The following GSAP variants were observed in gnomAD, a reference collection of about 807,000 sequenced individuals.
The protein encoded by GSAP is gamma-secretase activating protein.
Under a neutral mutation model 131.7 loss-of-function variants are expected in GSAP, and 118 were observed. The observed-to-expected ratio is 0.90, with a 90% CI of 0.77 to 1.04. The LOEUF (loss-of-function observed/expected upper bound fraction) is 1.04, where lower values mean the gene tolerates loss of function less well. GSAP is among the 50% of genes least tolerant of loss of function. The pLI is 0.00. For missense variants in GSAP, 1,019 were observed against 1,013.2 expected (o/e 1.01, Z -0.08); for synonymous variants, 381 against 363.4 (o/e 1.05, Z -0.55).
chr7:77,362,861 G>A (rs1794744408), intron 12 of GSAP, among the ~76,000 whole-genome samples: 1 of 152,134 alleles, frequency 6.6e-6, no homozygotes, highest in Non-Finnish European at 1.5e-5. Context: ...ACACTATATA[G>A]CAACATATTG....
intron 12 of GSAP, among the ~76,000 whole-genome samples, chr7:77,372,243 A>G (rs1395988984): frequency 3.3e-5 from 5 of 152,274 alleles, no homozygotes; most frequent in Non-Finnish European, 7.3e-5. Flanking sequence ...CAATATGTCA[A>G]TGAAAAGAAA....
Position 77,377,276 on chromosome 7 carries a change from GTTTT to G in GSAP, c.681+6_681+9del. 9.3e-7 allele frequency: 1 copy of G among 1,069,888 alleles called. No homozygotes were observed. Among genetic ancestry groups the G allele is most frequent in the Non-Finnish European group, 1.2e-6 (1 of 800,630 alleles). 66.3% of individuals were successfully genotyped at this position (1,069,888 alleles called of 1,614,324 possible). ...AAAAAAAAGGAGTGCCCGTGAACTAGTTTTTTTACCTTCAGGTCAATGTAATATA... is the reference window on the plus strand; with the variant it reads ...AAAAAAAAGGAGTGCCCGTGAACTAGTTTACCTTCAGGTCAATGTAATATA... On this transcript the variant is annotated splice_donor_region_variant and intron_variant, in intron 9 of 30. Coordinates refer to ENST00000257626, the MANE Select transcript of GSAP (RefSeq NM_017439.4).
chr7:77,354,440 G>A (rs1160560508), intron 16 of GSAP, among the ~76,000 whole-genome samples: 1 of 152,064 alleles, frequency 6.6e-6, no homozygotes, highest in Non-Finnish European at 1.5e-5. Flanking sequence ...AAAAGATTGG[G>A]TAAAAAATGC....
At chr7:77,380,260 T>C (rs1472305201) in intron 8 of GSAP, among the ~76,000 whole-genome samples, 3 of 152,174 alleles carry the variant, frequency 2.0e-5, no homozygotes, top group Non-Finnish European at 4.4e-5. Flanking sequence ...TACCTTTTCG[T>C]GATATGAATT....
At chr7:77,342,411 T>C (rs1252843097) in intron 19 of GSAP, among the ~76,000 whole-genome samples, 1 of 152,184 alleles carries the variant, frequency 6.6e-6, no homozygotes, top group South Asian at 2.1e-4. Context: ...CATTCTTTTA[T>C]GCACTCCTTT....
Position 77,335,642 on chromosome 7 carries a change from A to C in GSAP, c.1546-5275T>G, listed in dbSNP as rs79302716. On this transcript the variant is annotated intron_variant, in intron 19 of 30. Coordinates refer to ENST00000257626, the MANE Select transcript of GSAP (RefSeq NM_017439.4). ...GCCAATTGATCCAAAAACAAACAAA[A>C]AAAAAAGCTCTGTGGTACTGGCTCA... 8.4e-3 allele frequency among the ~76,000 whole-genome samples: 1,278 copies of C among 152,104 alleles called. 9 individuals are homozygous for C. Among genetic ancestry groups the C allele is most frequent in the African/African-American group, 0.015 (610 of 41,520 alleles).
intron 1 of GSAP, among the ~76,000 whole-genome samples, chr7:77,415,065 G>GA (rs1371982399): frequency 6.6e-6 from 1 of 151,684 alleles, no homozygotes; most frequent in East Asian, 1.9e-4. Context: ...TCTCCACCTC[G>GA]AAAAAAAGTA....
chr7:77,335,691 A>C (rs1340312715), intron 19 of GSAP, among the ~76,000 whole-genome samples: 1 of 152,212 alleles, frequency 6.6e-6, no homozygotes, highest in African/African-American at 2.4e-5. Context: ...GCCAGAAAAA[A>C]AATCTGCCTT....
intron 1 of GSAP, among the ~76,000 whole-genome samples, chr7:77,410,361 C>G (rs1803051793): frequency 1.3e-5 from 2 of 152,134 alleles, no homozygotes; most frequent in South Asian, 4.1e-4. Flanking sequence ...ACGAGTTGCC[C>G]ATGTCTTAAC....
chr7:77,372,802 A>T (rs1437911138), intron 12 of GSAP, among the ~76,000 whole-genome samples: 1 of 152,216 alleles, frequency 6.6e-6, no homozygotes, highest in Non-Finnish European at 1.5e-5. Context: ...TCCTCCCATG[A>T]TCCACAAGGT....
chr7:77,405,673 A>T (rs1802137680), intron 2 of GSAP, among the ~76,000 whole-genome samples: 3 of 152,108 alleles, frequency 2.0e-5, no homozygotes, highest in Non-Finnish European at 1.5e-5. Context: ...GAGTAGCTGG[A>T]ACTACAGGTG....
intron 5 of GSAP, among the ~76,000 whole-genome samples, chr7:77,393,838 T>C (rs1159855296): frequency 6.6e-6 from 1 of 151,972 alleles, no homozygotes; most frequent in Admixed American, 6.5e-5. Flanking sequence ...CACACCCGGC[T>C]AATTTTTCTA....
At chr7:77,328,500 A>C in intron 22 of GSAP, 106 bp downstream of exon 22, 1 of 1,505,476 alleles carries the variant, frequency 6.6e-7, no homozygotes, top group South Asian at 1.4e-5. Context: ...CCTGCACCAC[A>C]CTACTGGAAG....
chr7:77,396,388 A>C (rs947378606), intron 5 of GSAP, among the ~76,000 whole-genome samples: 1 of 152,162 alleles, frequency 6.6e-6, no homozygotes, highest in Non-Finnish European at 1.5e-5. Context: ...AAGCCCCATG[A>C]GGGTAGATGC....
At chr7:77,319,953 G>A (rs186778941) in intron 26 of GSAP, among the ~76,000 whole-genome samples, 1 of 152,284 alleles carries the variant, frequency 6.6e-6, no homozygotes, top group South Asian at 2.1e-4. Flanking sequence ...CTAAAGACCT[G>A]CTATCCAACA....
At chr7:77,415,332 A>G (rs537444778) in intron 1 of GSAP, among the ~76,000 whole-genome samples, 2 of 152,368 alleles carry the variant, frequency 1.3e-5, no homozygotes, top group South Asian at 4.1e-4. Context: ...TGAAGTGGAC[A>G]GCGCCCTACA....
chr7:77,330,534 G>T, intron 19 of GSAP, 167 bp from the exon 20 acceptor site: 11 of 1,151,578 alleles, frequency 9.6e-6, no homozygotes, highest in Non-Finnish European at 9.7e-6. Context: ...TTCTAAAATA[G>T]ACTTAAAGAA....
chr7:77,392,144 C>T (rs961500869), intron 5 of GSAP, among the ~76,000 whole-genome samples: 1 of 151,802 alleles, frequency 6.6e-6, no homozygotes, highest in South Asian at 2.1e-4. Flanking sequence ...AGAATCTGAA[C>T]CTGGGAGGCG....
chr7:77,321,528 C>A (rs1003202424), intron 24 of GSAP, 125 bp from the exon 25 acceptor site: 5 of 668,542 alleles, frequency 7.5e-6, no homozygotes, highest in African/African-American at 3.6e-5. Context: ...TCCAGACACA[C>A]AACTAGCCTT....
Sources: allele counts gnomAD v4.1 joint callset (sites outside exome capture counted in the v4.1 genomes callset), GRCh38; gene constraint gnomAD v4.1.1; transcripts MANE v1.5; gene names NCBI Gene and HGNC (gene_info 2026-07-23, HGNC 2026-07-21).